The following ARHGAP21 variants were observed in gnomAD, a reference collection of about 807,000 sequenced individuals.
ARHGAP21 encodes the protein rho GTPase-activating protein 21.
In ARHGAP21, 38 loss-of-function variants were observed where a neutral mutation model predicts 164.6. The observed-to-expected ratio is 0.23, with a 90% CI of 0.18 to 0.30. The LOEUF (loss-of-function observed/expected upper bound fraction) is 0.30, where lower values mean the gene tolerates loss of function less well. Ranked by LOEUF, ARHGAP21 falls within the 10% of genes least tolerant of loss-of-function variation. The pLI is 1.00. For missense variants in ARHGAP21, 1,822 were observed against 2,370.7 expected (o/e 0.77, Z 4.81); for synonymous variants, 766 against 857.9 (o/e 0.89, Z 1.87).
Position 24,584,977 on chromosome 10 carries a change from A to T in ARHGAP21, c.5312T>A (p.Leu1771Gln). Residue 1771 changes from leucine (L) to glutamine (Q), a missense_variant, in exon 26 of 26, where the codon CTG becomes CAG. By Grantham distance (113) the Leu-to-Gln change is moderately radical. This residue lies in a region of ARHGAP21 where 117 missense variants were observed against 193.2 expected (regional missense o/e 0.61). Transcript: ENST00000396432. ...GTCATCCGCAGGGGCTCTGGGTCTC[A>T]GTTTTAACCGATCTGCTATTTTCGT... ...WKTKIADRLK[L>Q]RPRAPADDMF... 6.2e-7 allele frequency: 1 copy of T among 1,613,912 alleles called. No individual in the cohort carries two copies. The highest frequency in any genetic ancestry group is 8.5e-7 in the Non-Finnish European group (1 of 1,179,854).
At chr10:24,720,221 A>G (rs1475867039) in intron 2 of ARHGAP21, among the ~76,000 whole-genome samples, 1 of 151,012 alleles carries the variant, frequency 6.6e-6, no homozygotes, top group Non-Finnish European at 1.5e-5. Flanking sequence ...AGATGTGTCT[A>G]AATTCTTGGT....
intron 21 of ARHGAP21, among the ~76,000 whole-genome samples, chr10:24,592,614 A>T (rs1159607076): frequency 2.0e-5 from 3 of 152,094 alleles, no homozygotes; most frequent in Non-Finnish European, 4.4e-5. Context: ...TCAAGACCTC[A>T]TCTCTACTAA....
At chr10:24,613,531 T>C (rs915617233) in intron 9 of ARHGAP21, among the ~76,000 whole-genome samples, 2 of 152,144 alleles carry the variant, frequency 1.3e-5, no homozygotes, top group African/African-American at 4.8e-5. Context: ...ATCTGGAGAT[T>C]TGGTTATCTT....
At chr10:24,626,220 C>G (rs1048920654) in intron 7 of ARHGAP21, among the ~76,000 whole-genome samples, 3 of 152,096 alleles carry the variant, frequency 2.0e-5, no homozygotes, top group African/African-American at 7.2e-5. Context: ...GGTGATGAAC[C>G]AAGAAGTATG....
chr10:24,634,946 G>A, intron 5 of ARHGAP21, 65 bp downstream of exon 5: 1 of 1,231,382 alleles, frequency 8.1e-7, no homozygotes, highest in Non-Finnish European at 1.1e-6. Flanking sequence ...TATCGAACAT[G>A]AAATATGGAA....
At position 24,585,094 on chromosome 10, in the gene ARHGAP21, T is replaced by C. The variant is rs2076046284; in HGVS notation, c.5195A>G (p.Lys1732Arg). The C allele has an allele frequency of 6.2e-7, 1 of 1,613,594 alleles. No homozygotes were observed. Among genetic ancestry groups the C allele is most frequent in the African/African-American group, 1.3e-5 (1 of 74,838 alleles). ...KNEKEAPSLT[K>R]VFDVMKKGKS... ...TCCTTTTTTCATAACATCAAACACT[T>C]TAGTTAACGAAGGTGCTTCTTTCTC... The change falls in exon 26 of 26, where the codon AAA becomes AGA. Residue 1732 changes from lysine (K) to arginine (R), a missense_variant. Lys to Arg is a conservative substitution (Grantham distance 26). Coordinates refer to ENST00000396432, the MANE Select transcript of ARHGAP21 (RefSeq NM_020824.4).
chr10:24,651,493 T>C (rs1157091937), intron 4 of ARHGAP21, among the ~76,000 whole-genome samples: 1 of 152,216 alleles, frequency 6.6e-6, no homozygotes, highest in Non-Finnish European at 1.5e-5. Flanking sequence ...GCTTCCATCT[T>C]GATGTCTGCT....
rs1834470161 is a variant in ARHGAP21 at position 24,620,860 on chromosome 10, T to A, written c.1035A>T (p.Leu345Phe). 1 of 1,613,844 alleles carries A rather than the reference T, an allele frequency of 6.2e-7. No homozygotes were observed. Among genetic ancestry groups the A allele is most frequent in the African/African-American group, 1.3e-5 (1 of 74,914 alleles). The change falls in exon 9 of 26, where the codon TTA becomes TTT. Residue 345 changes from leucine (L) to phenylalanine (F), a missense_variant. By Grantham distance (22) the Leu-to-Phe change is conservative. Transcript: ENST00000396432. ...GTCCACTGTAATTTCCAGACTTAAG[T>A]AAAATTCCAGAAGGTTCCAGTGATC... ...GSRSLEPSGILLKSGNYSGHS... is the reference protein window; with the variant it reads ...GSRSLEPSGIFLKSGNYSGHS...
At chr10:24,688,212 G>A (rs1313492950) in intron 2 of ARHGAP21, among the ~76,000 whole-genome samples, 2 of 152,100 alleles carry the variant, frequency 1.3e-5, no homozygotes, top group South Asian at 2.1e-4. Context: ...CCAACATGGC[G>A]AAACCCCATC....
intron 2 of ARHGAP21, among the ~76,000 whole-genome samples, chr10:24,711,057 G>A (rs761459913): frequency 6.0e-4 from 79 of 131,526 alleles, no homozygotes; most frequent in Admixed American, 1.4e-3. Flanking sequence ...TCGCGCCACT[G>A]CACTCCAGCC....
At position 24,620,597 on chromosome 10, in the gene ARHGAP21, G is replaced by C. The variant is rs1593054270; in HGVS notation, c.1298C>G (p.Thr433Ser). 6.2e-7 allele frequency: 1 copy of C among 1,614,118 alleles called. No individual in the cohort carries two copies. Residue 433 changes from threonine to serine, a missense_variant, in exon 9 of 26, where the codon ACT becomes AGT. By Grantham distance (58) the Thr-to-Ser change is moderately conservative. Coordinates refer to ENST00000396432, the MANE Select transcript of ARHGAP21 (RefSeq NM_020824.4). ...TDYNQVVPNR[T>S]TLQGRRRSTS... ...GCTTCGACGTCGTCCCTGCAAAGTA[G>C]TGCGGTTGGGGACGACCTGGTTATA... is the stretch of plus-strand genomic sequence containing the variant.
In ARHGAP21 at chr10:24,586,065, C is replaced by G. The variant is rs61735172; in HGVS notation, c.4224G>C (p.Leu1408=). 3.1e-6 allele frequency: 5 copies of G among 1,613,200 alleles called. No homozygotes were observed. The highest frequency in any genetic ancestry group is 4.2e-6 in the Non-Finnish European group (5 of 1,179,698). The change falls in exon 26 of 26, where the codon CTG becomes CTC. Residue 1408 remains leucine, a synonymous_variant. Coordinates refer to ENST00000396432, the MANE Select transcript of ARHGAP21 (RefSeq NM_020824.4). ...CAGCTGCAAAGATGGAGGACACAAG[C>G]AGTTCCCTGCTATACTGATCCTTTC... The part of the protein sequence containing the change: ...GSGKDQYSRE[L]LVSSIFAAAS...
chr10:24,684,731 T>C (rs1842064497), intron 2 of ARHGAP21, among the ~76,000 whole-genome samples: 2 of 152,184 alleles, frequency 1.3e-5, no homozygotes, highest in South Asian at 2.1e-4. Flanking sequence ...CTCCACCTCC[T>C]GGGTTCAAGC....
intron 2 of ARHGAP21, among the ~76,000 whole-genome samples, chr10:24,697,178 G>A (rs111611372): frequency 7.1e-4 from 108 of 152,140 alleles, no homozygotes; most frequent in African/African-American, 2.5e-3. Context: ...TGACCCAGAT[G>A]GGGCAAAACT....
At chr10:24,596,435 C>T in intron 17 of ARHGAP21, 1 of 516,962 alleles carries the variant, frequency 1.9e-6, no homozygotes, top group Non-Finnish European at 3.3e-6. Context: ...ATTATACTTT[C>T]TTAATCAGGT....
chr10:24,651,605 T>C (rs1436971634), intron 4 of ARHGAP21, among the ~76,000 whole-genome samples: 1 of 152,220 alleles, frequency 6.6e-6, no homozygotes, highest in South Asian at 2.1e-4. Context: ...AATCTGGTGA[T>C]ATATAAAAAG....
chr10:24,648,299 A>G (rs531627050), intron 4 of ARHGAP21, among the ~76,000 whole-genome samples: 2 of 152,346 alleles, frequency 1.3e-5, no homozygotes, highest in African/African-American at 4.8e-5. Flanking sequence ...TCTCCAAAAT[A>G]TGAGTAGAAT....
Position 24,597,468 on chromosome 10 carries a change from C to G in ARHGAP21, c.3313G>C (p.Glu1105Gln). 6.2e-7 allele frequency: 1 copy of G among 1,613,590 alleles called. No homozygotes were observed. The highest frequency in any genetic ancestry group is 8.5e-7 in the Non-Finnish European group (1 of 1,179,844). ...ATACCTTTACTGAGAAGTTTCCTTT[C>G]CGACTCTTCCTTCGGAGAGTGTGGG... ...QSPHSPKEESERKLLSKDDTS... is the reference protein window; with the variant it reads ...QSPHSPKEESQRKLLSKDDTS... Residue 1105 changes from glutamate (E) to glutamine (Q), a missense_variant, in exon 16 of 26, where the codon GAA becomes CAA. This residue lies in a region of ARHGAP21 where 1,090 missense variants were observed against 1,378.9 expected (regional missense o/e 0.79). Coordinates refer to ENST00000396432, the MANE Select transcript of ARHGAP21 (RefSeq NM_020824.4).
intron 9 of ARHGAP21, among the ~76,000 whole-genome samples, chr10:24,611,693 C>T (rs1040028712): frequency 3.3e-5 from 5 of 149,426 alleles, no homozygotes; most frequent in Non-Finnish European, 7.4e-5. Flanking sequence ...GGCAACAGAG[C>T]AAGACTCTAT....
Sources: gnomAD v4.1 joint callset for allele counts (sites outside exome capture counted in the v4.1 genomes callset) on GRCh38, gnomAD v4.1.1 for gene constraint, gnomAD v4.1.1 regional missense constraint, MANE v1.5 for transcripts, NCBI Gene and HGNC (gene_info 2026-07-23, HGNC 2026-07-21) for gene names.